Variants in FAM47E observed in about 807,000 individuals in gnomAD.
The protein encoded by FAM47E is protein FAM47E.
A neutral mutation model predicts 41.6 loss-of-function variants in FAM47E; 32 were observed. That is an observed-to-expected ratio of 0.77 (90% CI 0.58 to 1.03). The LOEUF is 1.03. Among genes scored for constraint, FAM47E ranks in the 50% least tolerant of loss-of-function variants. The pLI, the probability that FAM47E is intolerant of heterozygous loss-of-function variation, is 0.00. For missense variants in FAM47E, 424 were observed against 485.4 expected (o/e 0.87, Z 1.19); for synonymous variants, 184 against 188.7 (o/e 0.98, Z 0.20).
At chr4:76,244,623 C>T (rs967016642) in intron 2 of FAM47E, among the ~76,000 whole-genome samples, 11 of 149,418 alleles carry the variant, frequency 7.4e-5, no homozygotes, top group South Asian at 2.1e-4. Context: ...TCACTGCAAC[C>T]TCCACCCTCC....
chr4:76,272,473 A>G (rs1560750774), intron 5 of FAM47E, among the ~76,000 whole-genome samples: 1 of 152,150 alleles, frequency 6.6e-6, no homozygotes, highest in East Asian at 1.9e-4. Flanking sequence ...TTTACACATA[A>G]TCTTTGATAT....
intron 2 of FAM47E, among the ~76,000 whole-genome samples, chr4:76,228,372 G>A (rs929528215): frequency 2.0e-4 from 30 of 151,694 alleles, no homozygotes; most frequent in African/African-American, 5.8e-4. Context: ...CCAGCTACTC[G>A]GGAGGCAGAG....
At chr4:76,251,288 A>G (rs1733954890), upstream of FAM47E, among the ~76,000 whole-genome samples, 1 of 152,138 alleles carries the variant, frequency 6.6e-6, no homozygotes, top group African/African-American at 2.4e-5. Flanking sequence ...AGACCAAGAG[A>G]GTTCCAAGAC....
At chr4:76,262,657 A>G (rs1227743772) in intron 2 of FAM47E, among the ~76,000 whole-genome samples, 3 of 152,242 alleles carry the variant, frequency 2.0e-5, no homozygotes, top group African/African-American at 7.2e-5. Context: ...TCATCAATGA[A>G]TGAAGAGATG....
upstream of FAM47E, chr4:76,251,653 G>T (rs1415112382): frequency 2.2e-6 from 3 of 1,354,920 alleles, no homozygotes; most frequent in Admixed American, 3.8e-5. Flanking sequence ...GGCAAATACC[G>T]GCAGCGGTGG....
At chr4:76,227,146 T>C (rs1733412431) in intron 2 of FAM47E, among the ~76,000 whole-genome samples, 2 of 152,208 alleles carry the variant, frequency 1.3e-5, no homozygotes, top group Non-Finnish European at 2.9e-5. Flanking sequence ...TTTCAGACTT[T>C]TTGATGTAGT....
intron 2 of FAM47E, among the ~76,000 whole-genome samples, chr4:76,245,184 A>G (rs1560736635): frequency 6.6e-6 from 1 of 151,860 alleles, no homozygotes; most frequent in Non-Finnish European, 1.5e-5. Flanking sequence ...AGCAGTGGAA[A>G]TACTGAGTCA....
intron 1 of FAM47E, among the ~76,000 whole-genome samples, chr4:76,254,259 G>A (rs1734095557): frequency 6.6e-6 from 1 of 152,032 alleles, no homozygotes. Flanking sequence ...TGAGTTGTAT[G>A]GCTGTACTTA....
chr4:76,268,731 T>C lies in FAM47E; in HGVS notation c.632T>C (p.Leu211Pro). 6 of 1,551,562 alleles carry C rather than the reference T, an allele frequency of 3.9e-6. No individual in the cohort carries two copies. Among genetic ancestry groups the C allele is most frequent in the Non-Finnish European group, 5.2e-6 (6 of 1,146,932 alleles). The change falls in exon 4 of 8, where the codon CTC (leucine) becomes CCC (proline). Residue 211 changes from leucine (L) to proline (P), a missense_variant. By Grantham distance (98) the Leu-to-Pro change is moderately conservative. Coordinates refer to ENST00000424749, the MANE Select transcript of FAM47E (RefSeq NM_001136570.3). The part of the protein sequence containing the change: ...YEEKPHKMDL[L>P]HENGPRPGLH... ...GAAAAGCCACATAAAATGGATTTGC[T>C]CCATGAAAATGGTCCTCGTCCTGGT...
intron 5 of FAM47E, among the ~76,000 whole-genome samples, chr4:76,275,092 A>G (rs1735043183): frequency 6.6e-6 from 1 of 152,048 alleles, no homozygotes; most frequent in South Asian, 2.1e-4. Flanking sequence ...TTGATTGTTG[A>G]AGGTGGCAGG....
chr4:76,221,930 C>T (rs763894995), intron 2 of FAM47E, among the ~76,000 whole-genome samples: 8 of 152,290 alleles, frequency 5.3e-5, no homozygotes, highest in Non-Finnish European at 1.0e-4. Context: ...GAAAAAAATG[C>T]GTATTCCTTA....
chr4:76,240,666 T>C (rs975659921), intron 2 of FAM47E, among the ~76,000 whole-genome samples: 2 of 152,172 alleles, frequency 1.3e-5, no homozygotes, highest in African/African-American at 2.4e-5. Context: ...AAATCTGCCA[T>C]TGAATCTCTC....
At chr4:76,269,850 G>A (rs1876542) in intron 4 of FAM47E, among the ~76,000 whole-genome samples, 6 of 151,374 alleles carry the variant, frequency 4.0e-5, no homozygotes, top group Admixed American at 1.3e-4. Context: ...TCCCTTGTGC[G>A]CCTTCCAAGA....
intron 4 of FAM47E, chr4:76,269,011 G>T: frequency 6.1e-6 from 3 of 490,454 alleles, no homozygotes; most frequent in African/African-American, 2.0e-5. Flanking sequence ...TAATTTGAAT[G>T]TTTATGTTTA....
Position 76,234,746 on chromosome 4 carries a change from A to G in FAM47E, c.81+17058A>G, listed in dbSNP as rs72858534. 9.5e-3 allele frequency among the ~76,000 whole-genome samples: 1,449 copies of G among 152,184 alleles called. 25 individuals are homozygous for G. The highest frequency in any genetic ancestry group is 0.033 in the African/African-American group (1,374 of 41,516). ...GCAATATAGTGACACCTTTATCTCT[A>G]TGGAAGGAAAAAAAATGTTAGCCGG... is the stretch of plus-strand genomic sequence containing the variant. On this transcript the variant is annotated intron_variant, in intron 2 of 7. Coordinates refer to the FAM47E transcript ENST00000510197.
intron 3 of FAM47E, among the ~76,000 whole-genome samples, chr4:76,265,179 G>T (rs1452063932): frequency 6.6e-6 from 1 of 152,192 alleles, no homozygotes; most frequent in East Asian, 1.9e-4. Context: ...CCACCTCCTG[G>T]TAAATGTAGG....
chr4:76,257,418 G>A (rs937571793), intron 2 of FAM47E, among the ~76,000 whole-genome samples: 2 of 152,118 alleles, frequency 1.3e-5, no homozygotes, highest in Admixed American at 6.6e-5. Flanking sequence ...CACAGAGAGC[G>A]AGACAATGGT....
intron 2 of FAM47E, among the ~76,000 whole-genome samples, chr4:76,225,592 A>G (rs1466044478): frequency 6.6e-6 from 1 of 152,228 alleles, no homozygotes; most frequent in Non-Finnish European, 1.5e-5. Flanking sequence ...GGTTTTAATC[A>G]TAAAGCGATG....
chr4:76,276,070 C>CACACACACACACACA lies in FAM47E; in HGVS notation c.871-1999_871-1998insACACACACACACACA, dbSNP rs1452874811. ...CACACACACACACACACACACACACCCCTCCCCTACATACAAATAGTTCTC... is the reference window on the plus strand; with the variant it reads ...CACACACACACACACACACACACACCACACACACACACACACCTCCCCTACATACAAATAGTTCTC... On this transcript the variant is annotated intron_variant, in intron 5 of 7. Transcript: ENST00000424749. Among the ~76,000 whole-genome samples the CACACACACACACACA allele has an allele frequency of 1.5e-3, 216 of 143,130 alleles. 4 individuals carry two copies. Among genetic ancestry groups the CACACACACACACACA allele is most frequent in the East Asian group, 6.9e-4 (3 of 4,368 alleles). The allele number at this position is 143,130 out of a possible 152,430, so 93.9% of individuals were successfully genotyped here. A position where few individuals can be genotyped will look rare whatever the true frequency, so the allele number is the denominator to read the frequency against.
Sources: gnomAD v4.1 joint callset for allele counts (sites outside exome capture counted in the v4.1 genomes callset) on GRCh38, gnomAD v4.1.1 for gene constraint, MANE v1.5 for transcripts, NCBI Gene and HGNC (gene_info 2026-07-23, HGNC 2026-07-21) for gene names.